The following EVC variants were observed in gnomAD, a reference collection of about 807,000 sequenced individuals.
The protein encoded by EVC is evC complex member EVC.
In EVC, 116 loss-of-function variants were observed where a neutral mutation model predicts 118.9. The ratio of observed to expected loss-of-function variants is 0.98; its 90% confidence interval spans 0.84 to 1.14. The LOEUF (loss-of-function observed/expected upper bound fraction) is 1.14. Among genes scored for constraint, EVC ranks in the 50% most tolerant of loss-of-function variants. The probability of loss-of-function intolerance (pLI) is 0.00; values close to 1 mark genes in which losing one functional copy is unlikely to be tolerated. For synonymous variants in EVC, 619 were observed against 534.7 expected (o/e 1.16, Z -2.18); for missense variants, 1,401 against 1,246.4 (o/e 1.12, Z -1.87).
At chr4:5,823,240 G>A in the EVC span, among the ~76,000 whole-genome samples, 1 of 152,268 alleles carries the variant, frequency 6.6e-6, no homozygotes, top group South Asian at 2.1e-4. Context: ...AACATTACAT[G>A]ATTTGTCTAT....
chr4:5,763,079 A>G (rs1477892087), intron 11 of EVC, among the ~76,000 whole-genome samples: 3 of 89,300 alleles, frequency 3.4e-5, no homozygotes, highest in African/African-American at 1.4e-4. Flanking sequence ...TGATTTTTGT[A>G]TAAGGTGTAA....
intron 11 of EVC, among the ~76,000 whole-genome samples, chr4:5,766,190 T>G (rs1488286909): frequency 6.6e-6 from 1 of 151,292 alleles, no homozygotes; most frequent in African/African-American, 2.4e-5. Context: ...TATGAAATTC[T>G]GGGTTGAAAA....
intron 20 of EVC, 136 bp downstream of exon 20, chr4:5,810,586 A>G: frequency 1.3e-6 from 1 of 742,850 alleles, no homozygotes; most frequent in Non-Finnish European, 2.4e-6. Context: ...GAAATGACAG[A>G]TATGAACGTA....
rs1560273650 is a variant in EVC, at chr4:5,719,100, A to C, written c.175-148A>C. 9.1e-7 allele frequency: 1 copy of C among 1,094,490 alleles called. No homozygotes were observed. Among genetic ancestry groups the C allele is most frequent in the Non-Finnish European group, 1.4e-6 (1 of 720,078 alleles). 67.8% of individuals were successfully genotyped at this position (1,094,490 alleles called of 1,614,324 possible). A position where few individuals can be genotyped will look rare whatever the true frequency, so the allele number is the denominator to read the frequency against. ...ACGTGGGGTGGGAGGCGTCACACAC[A>C]GAAGACCAAGCTTGAGAAGCACAGA... On this transcript the variant is annotated intron_variant, in intron 1 of 20. Coordinates refer to ENST00000264956, the MANE Select transcript of EVC (RefSeq NM_153717.3). The surrounding 1 kb of genome is among the most constrained non-coding windows in gnomAD (Gnocchi z 4.7).
Position 5,742,357 on chromosome 4 carries a change from A to G in EVC, c.801+543A>G, listed in dbSNP as rs1385929328. 2.6e-5 allele frequency among the ~76,000 whole-genome samples: 4 copies of G among 152,204 alleles called. No individual in the cohort carries two copies. Among genetic ancestry groups the G allele is most frequent in the African/African-American group, 9.7e-5 (4 of 41,450 alleles). Reference sequence around the variant, plus strand: ...TGTGTATGATACACCTAGCAATGTCATAGTTGGCTGTGAATATGTGATGGC... The same window carrying G: ...TGTGTATGATACACCTAGCAATGTCGTAGTTGGCTGTGAATATGTGATGGC... On this transcript the variant is annotated intron_variant, in intron 6 of 20. Coordinates refer to ENST00000264956, the MANE Select transcript of EVC (RefSeq NM_153717.3). This position sits in a 1 kb window ranked among gnomAD's most constrained non-coding sequence, Gnocchi z 5.2.
At position 5,798,489 on chromosome 4, in the gene EVC, TG is replaced by T; in HGVS notation, c.2098-94del. 7.8e-7 allele frequency: 1 copy of T among 1,285,984 alleles called. No individual in the cohort carries two copies. The highest frequency in any genetic ancestry group is 1.1e-6 in the Non-Finnish European group (1 of 908,374). The allele number at this position is 1,285,984 out of a possible 1,614,324, so 79.7% of individuals were successfully genotyped here. A position where few individuals can be genotyped will look rare whatever the true frequency, so the allele number is the denominator to read the frequency against. On this transcript the variant is annotated intron_variant, in intron 14 of 20. Coordinates refer to ENST00000264956, the MANE Select transcript of EVC (RefSeq NM_153717.3). This position sits in a 1 kb window ranked among gnomAD's most constrained non-coding sequence, Gnocchi z 4.1. ...CTTTCTCCATCCCTTTTCCAACCCC[TG>T]GGCCCTGGATAGGACCAGCCCCACA...
At chr4:5,825,913 C>T in the EVC span, 18,563 of 511,740 alleles carry the variant, frequency 0.036, 431 homozygotes, top group African/African-American at 0.056. This position sits in a 1 kb window ranked among gnomAD's most constrained non-coding sequence, Gnocchi z 4.4. Context: ...GCACACACCA[C>T]GCACACGCAC....
At chr4:5,821,886 C>G in the EVC span, 6 of 1,563,076 alleles carry the variant, frequency 3.8e-6, no homozygotes, top group Non-Finnish European at 5.2e-6. This position sits in a 1 kb window ranked among gnomAD's most constrained non-coding sequence, Gnocchi z 4.4. Context: ...TGGATGGGAT[C>G]TGTTAGCATC....
intron 2 of EVC, among the ~76,000 whole-genome samples, chr4:5,722,847 A>C (rs542437356): frequency 6.6e-6 from 1 of 152,284 alleles, no homozygotes; most frequent in South Asian, 2.1e-4. Context: ...CAATTTTCTA[A>C]ATAATTGTAT....
chr4:5,810,719 AAGT>A (rs1716775365), intron 20 of EVC, among the ~76,000 whole-genome samples: 1 of 152,140 alleles, frequency 6.6e-6, no homozygotes. Context: ...ATCCAGCCTG[AAGT>A]GTTGGGCAGT....
At chr4:5,717,092 C>A (rs1724086409) in intron 1 of EVC, among the ~76,000 whole-genome samples, 1 of 152,132 alleles carries the variant, frequency 6.6e-6, no homozygotes. Context: ...TCCAAGAACT[C>A]CTATCACTTT....
chr4:5,753,790 G>C lies in EVC; in HGVS notation c.1321G>C (p.Val441Leu). The C allele has an allele frequency of 6.2e-7, 1 of 1,614,108 alleles. No homozygotes were observed. The highest frequency in any genetic ancestry group is 8.5e-7 in the Non-Finnish European group (1 of 1,179,992). ...QEAERFSREFVQRGKDLVTAS... is the reference protein window; with the variant it reads ...QEAERFSREFLQRGKDLVTAS... ...GTGGCTTTTTTCAATCCCAGAGTTT[G>C]TCCAGCGAGGCAAAGACCTGGTCAC... Residue 441 changes from valine to leucine, a missense_variant, in exon 10 of 21, where the codon GTC (valine) becomes CTC (leucine). Coordinates refer to ENST00000264956, the MANE Select transcript of EVC (RefSeq NM_153717.3).
intron 4 of EVC, among the ~76,000 whole-genome samples, chr4:5,732,484 G>C (rs28447059): frequency 0.052 from 7,990 of 152,336 alleles, 238 homozygotes; most frequent in East Asian, 0.11. Context: ...TTGGGACTTA[G>C]AGGATTTGAA....
intron 15 of EVC, among the ~76,000 whole-genome samples, chr4:5,801,387 G>A (rs150512710): frequency 0.019 from 2,930 of 152,230 alleles, 40 homozygotes; most frequent in Middle Eastern, 0.068. Flanking sequence ...GTTTAGAAAC[G>A]GAAGGCCTCG....
intron 6 of EVC, 77 bp from the exon 7 acceptor site, chr4:5,745,127 A>T (rs373136313): frequency 4.3e-6 from 6 of 1,398,570 alleles, no homozygotes; most frequent in East Asian, 4.6e-5. Context: ...AAATAAAAGC[A>T]TTTATTTTTC....
chr4:5,774,581 C>T (rs1412658900), intron 11 of EVC, among the ~76,000 whole-genome samples: 2 of 152,024 alleles, frequency 1.3e-5, no homozygotes, highest in African/African-American at 4.8e-5. Flanking sequence ...GCCCCAAGTA[C>T]CTGCTGTGTG....
intron 11 of EVC, among the ~76,000 whole-genome samples, chr4:5,774,703 C>A (rs936198071): frequency 6.6e-6 from 1 of 152,054 alleles, no homozygotes; most frequent in Admixed American, 6.6e-5. Context: ...GTGTGTGCTT[C>A]TGTTTGAGGG....
chr4:5,769,830 G>C (rs16837668), intron 11 of EVC, among the ~76,000 whole-genome samples: 2,781 of 152,272 alleles, frequency 0.018, 102 homozygotes, highest in African/African-American at 0.064. Flanking sequence ...CTCTGTCCTT[G>C]AAGAACACAG....
intron 19 of EVC, 108 bp from the exon 20 acceptor site, chr4:5,810,231 C>G (rs148153120): frequency 1.2e-6 from 1 of 830,090 alleles, no homozygotes; most frequent in East Asian, 2.6e-5. Flanking sequence ...ATACACTTGG[C>G]CCACACAACA....
Sources: allele counts gnomAD v4.1 joint callset (sites outside exome capture counted in the v4.1 genomes callset), GRCh38; gene constraint gnomAD v4.1.1; non-coding constraint Gnocchi (gnomAD v3.1); transcripts MANE v1.5; gene names NCBI Gene and HGNC (gene_info 2026-07-23, HGNC 2026-07-21).